The following SRGAP3 variants were observed in gnomAD, a reference collection of about 807,000 sequenced individuals.
SRGAP3 encodes the protein SLIT-ROBO Rho GTPase activating protein 3.
Under a neutral mutation model 121.1 loss-of-function variants are expected in SRGAP3, and 39 were observed. The ratio of observed to expected loss-of-function variants is 0.32; its 90% CI spans 0.25 to 0.42. The LOEUF (loss-of-function observed/expected upper bound fraction) is 0.42. SRGAP3 is among the 10% of genes least tolerant of loss of function. The probability of loss-of-function intolerance (pLI) is 1.00; values close to 1 mark genes in which losing one functional copy is unlikely to be tolerated. For synonymous variants in SRGAP3, 601 were observed against 570.0 expected, an observed-to-expected ratio of 1.05 and a Z score of -0.77; for missense variants, 1,213 against 1,470.6, an observed-to-expected ratio of 0.82 and a Z score of 2.86.
chr3:9,021,701 A>T (rs939562774), intron 14 of SRGAP3, among the ~76,000 whole-genome samples: 2 of 152,242 alleles, frequency 1.3e-5, no homozygotes, highest in African/African-American at 4.8e-5. Flanking sequence ...AGGAGAAGGG[A>T]AAAACAGAGC....
At chr3:9,004,160 A>G (rs564860457) in intron 18 of SRGAP3, among the ~76,000 whole-genome samples, 2 of 152,270 alleles carry the variant, frequency 1.3e-5, no homozygotes, top group Admixed American at 1.3e-4. Context: ...AAAGAATAAA[A>G]TACAGAGGAA....
At chr3:9,309,824 T>C (rs1034423238) in intron 3 of SRGAP3, among the ~76,000 whole-genome samples, 5 of 151,970 alleles carry the variant, frequency 3.3e-5, no homozygotes, top group Admixed American at 3.3e-4. Flanking sequence ...ACCACTGCAC[T>C]CCAGCCTGGG....
At chr3:9,047,609 C>T in intron 9 of SRGAP3, 134 bp from the exon 10 acceptor site, 1 of 813,300 alleles carries the variant, frequency 1.2e-6, no homozygotes, top group African/African-American at 1.7e-5. Context: ...GCGCAGGGAA[C>T]AGAGAGGCCT....
At chr3:9,128,812 T>C (rs1949335486) in intron 1 of SRGAP3, among the ~76,000 whole-genome samples, 1 of 152,172 alleles carries the variant, frequency 6.6e-6, no homozygotes, top group African/African-American at 2.4e-5. Flanking sequence ...AATCCACAGA[T>C]CTTGTGTTTA....
At chr3:9,107,834 C>A (rs988138119) in intron 2 of SRGAP3, among the ~76,000 whole-genome samples, 4 of 152,214 alleles carry the variant, frequency 2.6e-5, no homozygotes, top group Non-Finnish European at 4.4e-5. Flanking sequence ...GGGATCACTT[C>A]TATTGTGTCA....
Position 9,141,553 on chromosome 3 carries a change from G to GGTGTGTGT in SRGAP3, c.68-16644_68-16637dup, listed in dbSNP as rs3067669. Among the ~76,000 whole-genome samples, 491 of 138,444 alleles carry GGTGTGTGT rather than the reference G, an allele frequency of 3.5e-3. 2 individuals carry two copies. Among genetic ancestry groups the GGTGTGTGT allele is most frequent in the East Asian group, 5.3e-3 (25 of 4,700 alleles). 90.8% of individuals were successfully genotyped at this position (138,444 alleles called of 152,430 possible). A position where few individuals can be genotyped will look rare whatever the true frequency, so the allele number is the denominator to read the frequency against. On this transcript the variant is annotated intron_variant, in intron 1 of 21. Transcript: ENST00000383836. ...GAAACAAGAAGGATCTGACTTCAGGGGTGTGTGTGTGTGTGTGTGTGTGTG... is the reference window on the plus strand; with the variant it reads ...GAAACAAGAAGGATCTGACTTCAGGGGTGTGTGTGTGTGTGTGTGTGTGTGTGTGTGTG...
intron 1 of SRGAP3, among the ~76,000 whole-genome samples, chr3:9,169,771 A>C (rs193299789): frequency 6.6e-6 from 1 of 152,114 alleles, no homozygotes; most frequent in South Asian, 2.1e-4. Context: ...CTTGCTAGAG[A>C]ATCACTAAAT....
At chr3:9,144,956 TATAA>T (rs1949974741) in intron 1 of SRGAP3, among the ~76,000 whole-genome samples, 1 of 152,264 alleles carries the variant, frequency 6.6e-6, no homozygotes. Context: ...ACATGTGCAT[TATAA>T]ATGTTTAAAT....
At chr3:9,254,015 C>A (rs899286166), upstream of SRGAP3, among the ~76,000 whole-genome samples, 2 of 152,266 alleles carry the variant, frequency 1.3e-5, no homozygotes, top group South Asian at 4.1e-4. Flanking sequence ...AACCACAGAA[C>A]AATACTTACA....
chr3:9,254,766 C>T (rs1446163761), intron 3 of SRGAP3, among the ~76,000 whole-genome samples: 3 of 146,624 alleles, frequency 2.0e-5, no homozygotes, highest in Non-Finnish European at 4.5e-5. Flanking sequence ...TGCACCACTG[C>T]ACTCCAGCCT....
intron 1 of SRGAP3, among the ~76,000 whole-genome samples, chr3:9,156,875 A>G (rs755086029): frequency 6.6e-4 from 100 of 152,202 alleles, no homozygotes; most frequent in Non-Finnish European, 1.3e-3. Context: ...CAAGCAGAGC[A>G]GGGCCTAGAC....
intron 3 of SRGAP3, chr3:9,081,359 A>G (rs1947237825): frequency 6.7e-6 from 3 of 448,632 alleles, no homozygotes; most frequent in South Asian, 4.8e-5. Flanking sequence ...CTGGGGCACA[A>G]GGCAAAAGAT....
chr3:9,087,662 G>C (rs1294670871), intron 3 of SRGAP3, among the ~76,000 whole-genome samples: 1 of 152,204 alleles, frequency 6.6e-6, no homozygotes, highest in Non-Finnish European at 1.5e-5. Flanking sequence ...CAGGTGAGCA[G>C]GAGATAAGCC....
At chr3:9,333,738 G>C (rs3913304) in intron 1 of SRGAP3, among the ~76,000 whole-genome samples, 8,922 of 152,058 alleles carry the variant, frequency 0.059, 290 homozygotes, top group African/African-American at 0.094. Context: ...AAAAGAATGA[G>C]GGTACAATTT....
intron 1 of SRGAP3, among the ~76,000 whole-genome samples, chr3:9,160,779 C>T (rs1383603588): frequency 2.6e-5 from 4 of 152,302 alleles, no homozygotes; most frequent in East Asian, 3.9e-4. Flanking sequence ...CTGGCTTACA[C>T]AAAGTGCTTA....
chr3:8,992,919 C>A lies in SRGAP3; in HGVS notation c.2545G>T (p.Gly849Trp). Residue 849 changes from glycine (G) to tryptophan (W), a missense_variant, in exon 20 of 22, where the codon GGG (glycine) becomes TGG (tryptophan). Gly to Trp is a radical substitution (Grantham distance 184). Around this residue, in one of 2 missense-constraint regions of SRGAP3, gnomAD observed 420 missense variants for 437.7 expected, o/e 0.96. Coordinates refer to ENST00000383836, the MANE Select transcript of SRGAP3 (RefSeq NM_014850.4). ...TEHISDYGFGGVMGRVRLRSD... is the reference protein window; with the variant it reads ...TEHISDYGFGWVMGRVRLRSD... Reference sequence around the variant, plus strand: ...CGCATATCCTACCGGCCCATCACCCCCCCAAAGCCGTAATCCGAGATGTGC... The same window carrying A: ...CGCATATCCTACCGGCCCATCACCCACCCAAAGCCGTAATCCGAGATGTGC... 1.2e-6 allele frequency: 2 copies of A among 1,614,210 alleles called. No homozygotes were observed. The highest frequency in any genetic ancestry group is 1.1e-5 in the South Asian group (1 of 91,086).
chr3:9,247,724 G>A (rs375546344), intron 1 of SRGAP3, among the ~76,000 whole-genome samples: 14 of 152,286 alleles, frequency 9.2e-5, no homozygotes, highest in Admixed American at 5.2e-4. Flanking sequence ...CTCAAGGTCC[G>A]CTGAAGATGC....
At chr3:9,116,018 C>A (rs1948792211) in intron 2 of SRGAP3, among the ~76,000 whole-genome samples, 1 of 152,202 alleles carries the variant, frequency 6.6e-6, no homozygotes, top group African/African-American at 2.4e-5. Context: ...CTACCAGAAA[C>A]CTTGAAAGAG....
chr3:9,071,304 C>T (rs888077814), intron 4 of SRGAP3, among the ~76,000 whole-genome samples: 42 of 152,242 alleles, frequency 2.8e-4, no homozygotes, highest in African/African-American at 8.9e-4. Context: ...CCCCCAAATT[C>T]CCCTCCACTA....
Sources: allele counts gnomAD v4.1 joint callset (sites outside exome capture counted in the v4.1 genomes callset), GRCh38; gene constraint gnomAD v4.1.1; regional missense constraint gnomAD v4.1.1; transcripts MANE v1.5; gene names NCBI Gene and HGNC (gene_info 2026-07-23, HGNC 2026-07-21).